CPNE7: variants seen among roughly 807,000 people sequenced by gnomAD.
CPNE7 encodes the protein copine 7, also known as copine-7.
In CPNE7, 78 loss-of-function variants were observed where a neutral mutation model predicts 66.5. That is an observed-to-expected ratio of 1.17 (90% CI 0.98 to 1.42). The LOEUF is 1.42. CPNE7 is among the 40% of genes most tolerant of loss of function. The pLI is 0.00. For missense variants in CPNE7, 1,012 were observed against 776.6 expected, an observed-to-expected ratio of 1.30 and a Z score of -3.60; for synonymous variants, 468 against 336.7, an observed-to-expected ratio of 1.39 and a Z score of -4.27.
At chr16:89,594,180 T>C (rs1361791853) in intron 13 of CPNE7, 1 of 132,106 alleles carries the variant, frequency 7.6e-6, no homozygotes, top group Non-Finnish European at 1.6e-5. Flanking sequence ...TGCCTGGTGC[T>C]CGCACAGTTG....
At chr16:89,583,110 G>C (rs2058980298) in intron 2 of CPNE7, among the ~76,000 whole-genome samples, 1 of 152,228 alleles carries the variant, frequency 6.6e-6, no homozygotes, top group Admixed American at 6.5e-5. Context: ...TGCATGAGGA[G>C]GTCCCCAGGG....
At chr16:89,585,260 G>A (rs1454713850) in intron 5 of CPNE7, among the ~76,000 whole-genome samples, 4 of 152,194 alleles carry the variant, frequency 2.6e-5, no homozygotes, top group African/African-American at 7.2e-5. Context: ...CACAGGGCTC[G>A]GAAATGTGTC....
intron 9 of CPNE7, 27 bp downstream of exon 9, chr16:89,587,129 GCCC>G (rs779783261): frequency 8.7e-7 from 1 of 1,152,590 alleles, no homozygotes; most frequent in East Asian, 3.0e-5. Flanking sequence ...GCCCCATGCC[GCCC>G]CCTCAGTCCG....
chr16:89,576,088 G>A lies in CPNE7; in HGVS notation c.174+17G>A. The A allele has an allele frequency of 8.0e-7, 1 of 1,249,476 alleles. No homozygotes were observed. Among genetic ancestry groups the A allele is most frequent in the Non-Finnish European group, 1.0e-6 (1 of 996,238 alleles). 77.4% of individuals were successfully genotyped at this position (1,249,476 alleles called of 1,614,324 possible). On this transcript the variant is annotated intron_variant, in intron 1 of 14. Coordinates refer to ENST00000319518, the MANE Select transcript of CPNE7 (RefSeq NM_153636.3). The stretch of plus-strand genomic sequence containing the variant: ...TGGGTGCAGGTAGGGCCGGGGCGTG[G>A]GAGGCCGAGAGGCCACCGGGCCGGG...
At chr16:89,592,130 T>C (rs1256761139) in intron 13 of CPNE7, among the ~76,000 whole-genome samples, 1 of 150,188 alleles carries the variant, frequency 6.7e-6, no homozygotes, top group Non-Finnish European at 1.5e-5. Flanking sequence ...TGCCTCAGCC[T>C]CCTAAGTAGC....
chr16:89,577,603 A>T lies in CPNE7; in HGVS notation c.239A>T (p.Asp80Val). The T allele has an allele frequency of 6.4e-7, 1 of 1,559,236 alleles. No individual in the cohort carries two copies. Reference protein sequence around the residue: ...HPVFSKVFTVDYYFEEVQRLR... With the variant: ...HPVFSKVFTVVYYFEEVQRLR... ...GTGTTCTCCAAGGTCTTCACGGTGG[A>T]CTACTACTTCGAGGAGGTGCAGAGG... The change falls in exon 2 of 15, where the codon GAC (aspartate) becomes GTC (valine). Residue 80 changes from aspartate to valine, a missense_variant. Transcript: ENST00000319518.
intron 10 of CPNE7, among the ~76,000 whole-genome samples, chr16:89,589,391 G>A (rs1336963162): frequency 2.0e-5 from 3 of 152,224 alleles, no homozygotes; most frequent in Admixed American, 1.3e-4. Context: ...GTCCCGCTTT[G>A]CCAGAATAGC....
chr16:89,593,600 C>T (rs943009342), intron 13 of CPNE7, among the ~76,000 whole-genome samples: 5 of 152,170 alleles, frequency 3.3e-5, no homozygotes, highest in Admixed American at 3.3e-4. Context: ...GATCCGCCCA[C>T]CTCGGCCTCC....
intron 7 of CPNE7, among the ~76,000 whole-genome samples, chr16:89,586,172 G>A (rs1393620770): frequency 6.6e-6 from 1 of 152,112 alleles, no homozygotes; most frequent in Non-Finnish European, 1.5e-5. Flanking sequence ...ATGGGGTTGT[G>A]GGGAGTGGTG....
chr16:89,591,230 G>A lies in CPNE7; in HGVS notation c.1272G>A (p.Ala424=), dbSNP rs771613080. 41 of 1,586,976 alleles carry A rather than the reference G, an allele frequency of 2.6e-5. No individual in the cohort carries two copies. In the African/African-American group the frequency reaches 3.2e-4, roughly 12 times the overall value. The change falls in exon 13 of 15, where the codon GCG becomes GCA. Residue 424 remains alanine, a synonymous_variant. Coordinates refer to ENST00000319518, the MANE Select transcript of CPNE7 (RefSeq NM_153636.3). ...TCATCTCCAAGGTGGCACGCGTGGC[G>A]GCGGCCGAGGAGAGCACCGGGAAAG... The part of the protein sequence containing the change: ...APIISKVARV[A]AAEESTGKAS...
intron 2 of CPNE7, 38 bp downstream of exon 2, chr16:89,577,759 G>T: frequency 6.5e-7 from 1 of 1,547,974 alleles, no homozygotes; most frequent in East Asian, 2.4e-5. Flanking sequence ...GAGGACGGTT[G>T]GCGTGGGGGC....
In CPNE7 at chr16:89,584,194, C is replaced by G; in HGVS notation, c.507+92C>G. On this transcript the variant is annotated intron_variant, in intron 4 of 14. Coordinates refer to ENST00000319518, the MANE Select transcript of CPNE7 (RefSeq NM_153636.3). This position sits in a 1 kb window ranked among gnomAD's most constrained non-coding sequence, Gnocchi z 6.0. ...CCTGCCCAGCGCTGACCTCGCGTGG[C>G]TATGTCCCGTGTGAGACGTGTGCGG... 6.8e-6 allele frequency: 9 copies of G among 1,323,228 alleles called. No individual in the cohort carries two copies. The highest frequency in any genetic ancestry group is 9.4e-6 in the Non-Finnish European group (9 of 955,232). The allele number at this position is 1,323,228 out of a possible 1,614,324, so 82.0% of individuals were successfully genotyped here.
chr16:89,596,418 A>G, intron 14 of CPNE7, 66 bp from the exon 15 acceptor site: 2 of 1,543,844 alleles, frequency 1.3e-6, no homozygotes, highest in Non-Finnish European at 1.7e-6. Context: ...GCCATAATCC[A>G]GTTGCAGGGA....
In CPNE7 at chr16:89,584,980, G is replaced by A; in HGVS notation, c.591+123G>A. The A allele has an allele frequency of 1.1e-6, 1 of 895,420 alleles. No homozygotes were observed. Among genetic ancestry groups the A allele is most frequent in the South Asian group, 1.5e-5 (1 of 66,370 alleles). 55.5% of individuals were successfully genotyped at this position (895,420 alleles called of 1,614,324 possible). A position where few individuals can be genotyped will look rare whatever the true frequency, so the allele number is the denominator to read the frequency against. Reference sequence around the variant, plus strand: ...GGAGCTGTGGGCGCAGGGCTTTGGTGGCTGTGGCTATGGCCAGAATCCAAC... The same window carrying A: ...GGAGCTGTGGGCGCAGGGCTTTGGTAGCTGTGGCTATGGCCAGAATCCAAC... On this transcript the variant is annotated intron_variant, in intron 5 of 14. Transcript: ENST00000319518. The surrounding 1 kb of genome is among the most constrained non-coding windows in gnomAD (Gnocchi z 6.0).
chr16:89,591,227 G>A lies in CPNE7; in HGVS notation c.1269G>A (p.Val423=). ...VAPIISKVAR[V]AAAEESTGKA... is the part of the protein sequence containing the mutation. ...CCATCATCTCCAAGGTGGCACGCGT[G>A]GCGGCGGCCGAGGAGAGCACCGGGA... is the stretch of plus-strand genomic sequence containing the variant. The change falls in exon 13 of 15, where the codon GTG becomes GTA. Residue 423 remains valine (V), a synonymous_variant. Coordinates refer to ENST00000319518, the MANE Select transcript of CPNE7 (RefSeq NM_153636.3). 2 of 1,588,010 alleles carry A rather than the reference G, an allele frequency of 1.3e-6. No individual in the cohort carries two copies. Among genetic ancestry groups the A allele is most frequent in the Non-Finnish European group, 1.7e-6 (2 of 1,167,284 alleles).
Position 89,587,103 on chromosome 16 carries a change from G to C in CPNE7, c.927+1G>C, listed in dbSNP as rs1039474598. ...GGGCGGCTGCCAGATCCACTTCACCGTGAGTCCATGGCCCCGCCCCATGCC... is the reference window on the plus strand; with the variant it reads ...GGGCGGCTGCCAGATCCACTTCACCCTGAGTCCATGGCCCCGCCCCATGCC... On this transcript the variant is annotated splice_donor_variant, in intron 9 of 14. Coordinates refer to ENST00000319518, the MANE Select transcript of CPNE7 (RefSeq NM_153636.3). LOFTEE classifies it high-confidence loss of function. The C allele has an allele frequency of 6.4e-7, 1 of 1,553,434 alleles. No individual in the cohort carries two copies. The highest frequency in any genetic ancestry group is 8.7e-7 in the Non-Finnish European group (1 of 1,150,286).
At position 89,584,622 on chromosome 16, in the gene CPNE7, G is replaced by A. The variant is rs1197504881; in HGVS notation, c.508-152G>A. 3.1e-6 allele frequency: 2 copies of A among 648,720 alleles called. No homozygotes were observed. The highest frequency in any genetic ancestry group is 5.5e-6 in the Non-Finnish European group (2 of 361,586). 40.2% of individuals were successfully genotyped at this position (648,720 alleles called of 1,614,324 possible). On this transcript the variant is annotated intron_variant, in intron 4 of 14. Transcript: ENST00000319518. The surrounding 1 kb of genome is among the most constrained non-coding windows in gnomAD (Gnocchi z 6.0). ...CCCTGGGGGCGGGAGGGAGGGACGA[G>A]ATGCTGTCGGCGGGGACTGGCTGCC... is the stretch of plus-strand genomic sequence containing the variant.
At chr16:89,587,824 CGT>C (rs2059093433) in intron 9 of CPNE7, 1 of 53,620 alleles carries the variant, frequency 1.9e-5, no homozygotes, top group Non-Finnish European at 4.3e-5. Flanking sequence ...GTGTCACCCG[CGT>C]GTCACCCACA....
intron 13 of CPNE7, among the ~76,000 whole-genome samples, chr16:89,593,375 A>G (rs977161833): frequency 1.3e-5 from 2 of 148,562 alleles, no homozygotes; most frequent in East Asian, 2.0e-4. Context: ...TTTTTTTGAG[A>G]TGGAGTCTCG....
Sources: gnomAD v4.1 joint callset for allele counts (sites outside exome capture counted in the v4.1 genomes callset) on GRCh38, gnomAD v4.1.1 for gene constraint, Gnocchi (gnomAD v3.1) non-coding constraint, MANE v1.5 for transcripts, NCBI Gene and HGNC (gene_info 2026-07-23, HGNC 2026-07-21) for gene names.